Variants in OR3A2 observed in about 807,000 individuals in gnomAD.
OR3A2 encodes olfactory receptor family 3 subfamily A member 2.
For synonymous variants in OR3A2, 126 were observed against 159.3 expected, an observed-to-expected ratio of 0.79 and a Z score of 1.57; for missense variants, 318 against 392.8, an observed-to-expected ratio of 0.81 and a Z score of 1.61.
intron 2 of OR3A2, among the ~76,000 whole-genome samples, chr17:3,355,593 G>C (rs756232757): frequency 1.3e-5 from 2 of 151,194 alleles, no homozygotes; most frequent in Non-Finnish European, 2.9e-5. Flanking sequence ...TTCTCTTGCA[G>C]TTTTTGTCTG....
intron 2 of OR3A2, among the ~76,000 whole-genome samples, chr17:3,355,453 TC>T (rs531114118): frequency 0.056 from 7,041 of 125,046 alleles, 791 homozygotes; most frequent in African/African-American, 0.19. Context: ...TCTCTCTCTC[TC>T]TCTCTCTTTA....
intron 3 of OR3A2, chr17:3,291,142 T>G (rs890525707): frequency 1.3e-5 from 2 of 152,808 alleles, no homozygotes; most frequent in Non-Finnish European, 2.9e-5. Context: ...TACTTTTTTG[T>G]TTTTGTTTCT....
intron 3 of OR3A2, among the ~76,000 whole-genome samples, chr17:3,316,781 A>C (rs1005904685): frequency 6.6e-6 from 1 of 152,230 alleles, no homozygotes; most frequent in Non-Finnish European, 1.5e-5. Flanking sequence ...AAAGAATTCA[A>C]AACTAAACAG....
At chr17:3,323,624 T>C (rs1304715307) in intron 3 of OR3A2, among the ~76,000 whole-genome samples, 1 of 152,050 alleles carries the variant, frequency 6.6e-6, no homozygotes, top group East Asian at 1.9e-4. Flanking sequence ...TGAAGCTTAG[T>C]TTGGCTGGAT....
At chr17:3,360,769 TG>T (rs1233573020) in intron 2 of OR3A2, among the ~76,000 whole-genome samples, 1 of 151,640 alleles carries the variant, frequency 6.6e-6, no homozygotes, top group Admixed American at 6.6e-5. Context: ...TCTGTTCCAT[TG>T]GTCTATATCT....
At chr17:3,329,969 A>T (rs937166751) in intron 3 of OR3A2, among the ~76,000 whole-genome samples, 2 of 145,728 alleles carry the variant, frequency 1.4e-5, no homozygotes, top group Admixed American at 6.9e-5. Flanking sequence ...TTCGTTATGT[A>T]TCCAGTAGTC....
intron 3 of OR3A2, chr17:3,292,212 T>C: frequency 1.2e-6 from 2 of 1,613,824 alleles, no homozygotes; most frequent in Non-Finnish European, 1.7e-6. Flanking sequence ...CAGGAATCGG[T>C]CATAGGCCAT....
At chr17:3,328,748 T>C (rs928771253) in intron 3 of OR3A2, among the ~76,000 whole-genome samples, 6 of 137,676 alleles carry the variant, frequency 4.4e-5, no homozygotes, top group Admixed American at 3.7e-4. Context: ...ACCTAATTTA[T>C]TGAGAGTTTT....
intron 3 of OR3A2, among the ~76,000 whole-genome samples, chr17:3,300,840 CCT>C (rs1329630467): frequency 2.2e-4 from 30 of 134,750 alleles, no homozygotes; most frequent in Admixed American, 3.7e-4. Context: ...GTCCCTCCCC[CCT>C]CCCCCCATCC....
At chr17:3,277,826 C>T in exon 2 of OR3A2, 2 of 840,494 alleles carry the variant, frequency 2.4e-6, no homozygotes, top group Non-Finnish European at 3.7e-6. Flanking sequence ...TGTAGGGTTT[C>T]CTAGTAGGAC....
chr17:3,371,769 G>A (rs538219225), intron 2 of OR3A2, among the ~76,000 whole-genome samples: 10 of 142,636 alleles, frequency 7.0e-5, no homozygotes, highest in East Asian at 2.3e-4. Context: ...CAGTAGGGGC[G>A]GCCGGGCAGA....
At chr17:3,371,755 T>A (rs1173988007) in intron 2 of OR3A2, among the ~76,000 whole-genome samples, 1 of 127,182 alleles carries the variant, frequency 7.9e-6, no homozygotes, top group Non-Finnish European at 1.7e-5. Flanking sequence ...GACTCCTCAC[T>A]TCCCAGTAGG....
chr17:3,283,179 T>C (rs764069304), intron 1 of OR3A2, among the ~76,000 whole-genome samples: 3 of 152,224 alleles, frequency 2.0e-5, no homozygotes, highest in South Asian at 2.1e-4. Context: ...TCATTTTCAA[T>C]AGCAATAATC....
At chr17:3,301,670 T>C (rs1283602712) in intron 3 of OR3A2, among the ~76,000 whole-genome samples, 1 of 152,202 alleles carries the variant, frequency 6.6e-6, no homozygotes, top group Non-Finnish European at 1.5e-5. Flanking sequence ...GTAGTTTCTT[T>C]TGCTGTGCAG....
chr17:3,366,972 T>C (rs1434636364), intron 2 of OR3A2, among the ~76,000 whole-genome samples: 2 of 152,178 alleles, frequency 1.3e-5, no homozygotes, highest in East Asian at 3.8e-4. Flanking sequence ...GGGAGTGAGA[T>C]TACCTTGAGA....
At chr17:3,355,462 T>C (rs77822916) in intron 2 of OR3A2, among the ~76,000 whole-genome samples, 1 of 101,802 alleles carries the variant, frequency 9.8e-6, no homozygotes, top group African/African-American at 5.2e-5. Flanking sequence ...CTCTCTCTCT[T>C]TAGCTCTAAT....
rs534032375 is a variant in OR3A2, at chr17:3,323,543, T to G, written c.-85+12490A>C. 4.3e-3 allele frequency among the ~76,000 whole-genome samples: 644 copies of G among 150,882 alleles called. 6 individuals carry two copies. Among genetic ancestry groups the G allele is most frequent in the Non-Finnish European group, 7.3e-3 (498 of 67,782 alleles). On this transcript the variant is annotated intron_variant, in intron 3 of 4. Coordinates refer to the OR3A2 transcript ENST00000573491. ...GCACTTCCTTCAGGAGCTCTTTTAGTGCAGGCCTGGTGGTGACAAAATCTC... is the reference window on the plus strand; with the variant it reads ...GCACTTCCTTCAGGAGCTCTTTTAGGGCAGGCCTGGTGGTGACAAAATCTC...
rs564228425 is a variant in OR3A2 at position 3,308,936 on chromosome 17, C to T, written c.-85+27097G>A. ...TATTTTATTTTTTGAGACTGAGTCT[C>T]GCTCTGTCACCCAGGCTAGAGTACA... On this transcript the variant is annotated intron_variant, in intron 3 of 4. Transcript: ENST00000573491. Among the ~76,000 whole-genome samples the T allele has an allele frequency of 2.3e-3, 288 of 125,560 alleles. 2 individuals are homozygous for T. Among genetic ancestry groups the T allele is most frequent in the African/African-American group, 6.8e-3 (222 of 32,488 alleles). 82.4% of individuals were successfully genotyped at this position (125,560 alleles called of 152,430 possible). A position where few individuals can be genotyped will look rare whatever the true frequency, so the allele number is the denominator to read the frequency against.
At chr17:3,337,736 C>T (rs893311064) in intron 2 of OR3A2, among the ~76,000 whole-genome samples, 32 of 152,112 alleles carry the variant, frequency 2.1e-4, no homozygotes, top group African/African-American at 6.5e-4. Context: ...AATAAACATA[C>T]GTGTGCATGT....
Sources: allele counts gnomAD v4.1 joint callset (sites outside exome capture counted in the v4.1 genomes callset), GRCh38; gene constraint gnomAD v4.1.1; transcripts MANE v1.5; gene names NCBI Gene and HGNC (gene_info 2026-07-23, HGNC 2026-07-21).